OR56A3: variants seen among roughly 807,000 people sequenced by gnomAD.
OR56A3 encodes the protein olfactory receptor family 56 subfamily A member 3.
OR56A3 carries 23 observed loss-of-function variants against 17.5 expected under a neutral mutation model. The observed-to-expected ratio is 1.32, with a 90% CI of 0.95 to 1.87. The LOEUF (loss-of-function observed/expected upper bound fraction) is 1.87. Among genes scored for constraint, OR56A3 ranks in the 40% most tolerant of loss-of-function variants. The probability of loss-of-function intolerance (pLI) is 0.00; values close to 1 mark genes in which losing one functional copy is unlikely to be tolerated. For missense variants in OR56A3, 366 were observed against 380.1 expected, an observed-to-expected ratio of 0.96 and a Z score of 0.31; for synonymous variants, 175 against 150.6, an observed-to-expected ratio of 1.16 and a Z score of -1.19.
the OR56A3 span, among the ~76,000 whole-genome samples, chr11:6,005,974 T>A: frequency 2.6e-5 from 4 of 152,206 alleles, no homozygotes; most frequent in African/African-American, 9.7e-5. Flanking sequence ...GGGAGGCTTT[T>A]TGGAGAGTCC....
the OR56A3 span, among the ~76,000 whole-genome samples, chr11:5,998,272 T>C: frequency 8.5e-4 from 129 of 152,250 alleles, 1 homozygote; most frequent in African/African-American, 3.0e-3. Flanking sequence ...TGCCTGAGGA[T>C]AGAGATGGTT....
At chr11:6,007,649 A>G in the OR56A3 span, among the ~76,000 whole-genome samples, 4 of 152,052 alleles carry the variant, frequency 2.6e-5, no homozygotes, top group African/African-American at 9.7e-5. Context: ...AAATCCTAGA[A>G]AAAAAAAGTG....
chr11:6,004,745 TAA>T, the OR56A3 span, among the ~76,000 whole-genome samples: 1 of 152,206 alleles, frequency 6.6e-6, no homozygotes, highest in Non-Finnish European at 1.5e-5. Context: ...CAGATTGAAC[TAA>T]TTCACCTTAT....
chr11:5,989,518 C>T, the OR56A3 span, among the ~76,000 whole-genome samples: 10 of 152,278 alleles, frequency 6.6e-5, no homozygotes, highest in African/African-American at 1.4e-4. Flanking sequence ...TGAGTATAAC[C>T]GGCTTCTACT....
the OR56A3 span, among the ~76,000 whole-genome samples, chr11:5,960,837 C>T: frequency 6.6e-6 from 1 of 151,796 alleles, no homozygotes; most frequent in Non-Finnish European, 1.5e-5. Flanking sequence ...CGGCCGGCTG[C>T]CCATCATCTG....
chr11:6,021,113 A>G, the OR56A3 span: 1 of 152,200 alleles, frequency 6.6e-6, no homozygotes, highest in Middle Eastern at 3.4e-3. Flanking sequence ...AAAGAAAAGT[A>G]ATGGAAATTA....
chr11:5,992,152 A>C, the OR56A3 span, among the ~76,000 whole-genome samples: 3 of 152,210 alleles, frequency 2.0e-5, no homozygotes, highest in Non-Finnish European at 4.4e-5. Flanking sequence ...CTTGGACCCC[A>C]GTAAATTATT....
At chr11:5,978,472 G>C in the OR56A3 span, among the ~76,000 whole-genome samples, 1 of 151,860 alleles carries the variant, frequency 6.6e-6, no homozygotes, top group African/African-American at 2.4e-5. Flanking sequence ...ATTTTTTGTG[G>C]CTATTGTAAT....
At chr11:5,965,651 C>T in the OR56A3 span, among the ~76,000 whole-genome samples, 146 of 152,210 alleles carry the variant, frequency 9.6e-4, no homozygotes, top group Non-Finnish European at 1.4e-3. Flanking sequence ...TATATTAAAG[C>T]TCTAGAATAT....
At chr11:6,005,422 G>C in the OR56A3 span, among the ~76,000 whole-genome samples, 1 of 152,222 alleles carries the variant, frequency 6.6e-6, no homozygotes, top group Non-Finnish European at 1.5e-5. Flanking sequence ...GGAGGCGGGA[G>C]AGTAGAGTGT....
chr11:6,014,942 C>G, the OR56A3 span, among the ~76,000 whole-genome samples: 1 of 107,384 alleles, frequency 9.3e-6, no homozygotes, highest in African/African-American at 3.7e-5. Context: ...GAAAAAATTT[C>G]TAAGCAACAA....
the OR56A3 span, chr11:5,968,330 T>C: frequency 6.8e-6 from 11 of 1,613,154 alleles, no homozygotes; most frequent in African/African-American, 1.3e-5. Flanking sequence ...GCAGAGAGGC[T>C]TCCAGATAGA....
chr11:5,971,804 C>A, the OR56A3 span, among the ~76,000 whole-genome samples: 1 of 152,304 alleles, frequency 6.6e-6, no homozygotes, highest in Admixed American at 6.5e-5. Flanking sequence ...CAATTCAATG[C>A]ACCTTGATTT....
chr11:5,946,722 G>A (rs1448639242), intron 2 of OR56A3, among the ~76,000 whole-genome samples: 1 of 152,166 alleles, frequency 6.6e-6, no homozygotes, highest in Non-Finnish European at 1.5e-5. Context: ...TGGAACCTAT[G>A]CCTACTAAAT....
At chr11:6,010,817 A>ATG in the OR56A3 span, among the ~76,000 whole-genome samples, 8,782 of 149,764 alleles carry the variant, frequency 0.059, 273 homozygotes, top group African/African-American at 0.081. Flanking sequence ...CAAGACAGAA[A>ATG]TGTGTGTGTG....
downstream of OR56A3, among the ~76,000 whole-genome samples, chr11:5,953,712 C>T (rs1248439199): frequency 6.6e-6 from 1 of 152,026 alleles, no homozygotes; most frequent in Non-Finnish European, 1.5e-5. Flanking sequence ...TTTACTTTTT[C>T]CATAAATTTA....
the OR56A3 span, among the ~76,000 whole-genome samples, chr11:6,016,734 C>T: frequency 6.7e-6 from 1 of 148,360 alleles, no homozygotes; most frequent in Non-Finnish European, 1.5e-5. Context: ...CAGTGAGATA[C>T]AAGAGAACAC....
chr11:5,979,808 T>C, the OR56A3 span, among the ~76,000 whole-genome samples: 2 of 151,850 alleles, frequency 1.3e-5, no homozygotes, highest in African/African-American at 4.8e-5. Context: ...TGTTAAACTT[T>C]TGATGTGAGC....
At chr11:6,021,499 G>A in the OR56A3 span, 3 of 151,854 alleles carry the variant, frequency 2.0e-5, no homozygotes, top group Admixed American at 2.0e-4. Flanking sequence ...TCATAAATAT[G>A]TATAATTATT....
Sources: allele counts gnomAD v4.1 joint callset (sites outside exome capture counted in the v4.1 genomes callset), GRCh38; gene constraint gnomAD v4.1.1; transcripts MANE v1.5; gene names NCBI Gene and HGNC (gene_info 2026-07-23, HGNC 2026-07-21).